The following VRK2 variants were observed in gnomAD, a reference collection of about 807,000 sequenced individuals.
VRK2 encodes serine/threonine-protein kinase VRK2.
A neutral mutation model predicts 57.6 loss-of-function variants in VRK2; 60 were observed. The ratio of observed to expected loss-of-function variants is 1.04; its 90% CI spans 0.85 to 1.29. The LOEUF (loss-of-function observed/expected upper bound fraction) is 1.29, where lower values mean the gene tolerates loss of function less well. VRK2 is among the 50% of genes most tolerant of loss of function. The probability of loss-of-function intolerance (pLI) is 0.00; values close to 1 mark genes in which losing one functional copy is unlikely to be tolerated. For missense variants in VRK2, 705 were observed against 588.1 expected (o/e 1.20, Z -2.06); for synonymous variants, 231 against 199.2 (o/e 1.16, Z -1.35).
chr2:58,131,832 A>C lies in VRK2; in HGVS notation c.701A>C (p.Glu234Ala). ...GCCTTGTCCAGACGAAGTGACGTTG[A>C]GATCCTCGGCTACTGCATGCTGCGG... ...GVALSRRSDV[E>A]ILGYCMLRWL... The change falls in exon 9 of 13, where the codon GAG becomes GCG. Residue 234 changes from glutamate to alanine, a missense_variant. By Grantham distance (107) the Glu-to-Ala change is moderately radical. Coordinates refer to ENST00000340157, the MANE Select transcript of VRK2 (RefSeq NM_006296.7). 6.2e-7 allele frequency: 1 copy of C among 1,613,524 alleles called. No individual in the cohort carries two copies.
intron 7 of VRK2, among the ~76,000 whole-genome samples, chr2:58,093,098 A>G (rs1094076): frequency 2.6e-5 from 4 of 152,160 alleles, no homozygotes; most frequent in African/African-American, 4.8e-5. Flanking sequence ...AGTCTTTGCT[A>G]TTGTGAATAG....
upstream of VRK2, chr2:58,046,794 C>T: frequency 2.0e-6 from 2 of 985,586 alleles, no homozygotes; most frequent in Non-Finnish European, 2.4e-6. Context: ...ACTGTAGGCC[C>T]GGGGGCTCCG....
At chr2:57,956,920 T>C (rs184873234) in intron 1 of VRK2, among the ~76,000 whole-genome samples, 42 of 152,312 alleles carry the variant, frequency 2.8e-4, no homozygotes, top group Admixed American at 1.8e-3. Context: ...ATCTCATTTG[T>C]ACTGTGTATC....
At chr2:58,027,447 G>A (rs1242274517) in intron 2 of VRK2, among the ~76,000 whole-genome samples, 1 of 152,042 alleles carries the variant, frequency 6.6e-6, no homozygotes, top group Admixed American at 6.6e-5. Flanking sequence ...TATACCTATA[G>A]GAGCCTTTTA....
chr2:58,061,024 GATAA>G (rs750974479), intron 2 of VRK2, among the ~76,000 whole-genome samples: 1 of 151,828 alleles, frequency 6.6e-6, no homozygotes, highest in Non-Finnish European at 1.5e-5. Flanking sequence ...ACTTACAAGA[GATAA>G]ATGAGTTAAA....
At chr2:58,017,345 C>T (rs2103662883) in intron 1 of VRK2, among the ~76,000 whole-genome samples, 1 of 152,292 alleles carries the variant, frequency 6.6e-6, no homozygotes, top group Admixed American at 6.5e-5. Flanking sequence ...AGCTCAATTC[C>T]CAGCTCTGTT....
At chr2:57,957,892 A>G (rs896164477) in intron 1 of VRK2, among the ~76,000 whole-genome samples, 2 of 152,168 alleles carry the variant, frequency 1.3e-5, no homozygotes, top group Non-Finnish European at 2.9e-5. Flanking sequence ...ACAATAGACT[A>G]TCACTGCTGC....
intron 1 of VRK2, among the ~76,000 whole-genome samples, chr2:57,974,278 T>C (rs1369706246): frequency 6.6e-6 from 1 of 151,916 alleles, no homozygotes; most frequent in East Asian, 1.9e-4. Context: ...CTTTCCAAAA[T>C]TGTCAGATCA....
At chr2:57,945,415 T>C (rs1037451878) in intron 1 of VRK2, among the ~76,000 whole-genome samples, 2 of 152,090 alleles carry the variant, frequency 1.3e-5, no homozygotes, top group Admixed American at 1.3e-4. Flanking sequence ...CAGTATAAGG[T>C]CTGGCACATA....
chr2:57,914,319 A>T (rs917773956), intron 1 of VRK2, among the ~76,000 whole-genome samples: 2 of 151,802 alleles, frequency 1.3e-5, no homozygotes, highest in African/African-American at 2.4e-5. Context: ...GACTACATGA[A>T]TTGTATAAAG....
At chr2:58,111,934 C>A (rs1675632108) in intron 7 of VRK2, among the ~76,000 whole-genome samples, 1 of 152,122 alleles carries the variant, frequency 6.6e-6, no homozygotes, top group Non-Finnish European at 1.5e-5. Flanking sequence ...TTCTCTGTTA[C>A]ATTTTCTTCT....
chr2:58,071,582 A>G (rs1395670762), intron 2 of VRK2, among the ~76,000 whole-genome samples: 1 of 152,082 alleles, frequency 6.6e-6, no homozygotes, highest in African/African-American at 2.4e-5. Context: ...GCTTTTTTGT[A>G]AAGATTGACT....
At chr2:57,943,898 G>C (rs1443813150) in intron 1 of VRK2, among the ~76,000 whole-genome samples, 2 of 152,174 alleles carry the variant, frequency 1.3e-5, no homozygotes, top group Non-Finnish European at 2.9e-5. Context: ...TATGGTGTCT[G>C]TTGCAACAAT....
Position 57,938,593 on chromosome 2 carries a change from C to G in VRK2, c.-439+30754C>G, listed in dbSNP as rs755173752. On this transcript the variant is annotated intron_variant, in intron 1 of 15. Transcript: ENST00000417641. The stretch of plus-strand genomic sequence containing the variant: ...AAATAACAGCTTATTCTTGCTTTCT[C>G]TTAATATTACTTTTTACTACTAACT... Among the ~76,000 whole-genome samples, 29 of 152,060 alleles carry G rather than the reference C, an allele frequency of 1.9e-4. 1 individual carries two copies. The highest frequency in any genetic ancestry group is 3.2e-3 in the Middle Eastern group (1 of 316).
At chr2:57,922,750 A>C (rs1267141166) in intron 1 of VRK2, among the ~76,000 whole-genome samples, 1 of 136,950 alleles carries the variant, frequency 7.3e-6, no homozygotes, top group Non-Finnish European at 1.5e-5. Flanking sequence ...GATACAAACA[A>C]TCCAATTATA....
chr2:57,968,096 C>T (rs17049274), intron 1 of VRK2, among the ~76,000 whole-genome samples: 1,777 of 151,656 alleles, frequency 0.012, 52 homozygotes, highest in African/African-American at 0.041. Context: ...GAAGCAATTG[C>T]CCCAAAATAA....
chr2:57,961,344 G>A (rs1671751952), intron 1 of VRK2, among the ~76,000 whole-genome samples: 1 of 152,198 alleles, frequency 6.6e-6, no homozygotes, highest in Non-Finnish European at 1.5e-5. Flanking sequence ...ATGAGAGCAT[G>A]CTTGGCCTGA....
intron 2 of VRK2, among the ~76,000 whole-genome samples, chr2:58,059,115 A>G (rs1354534330): frequency 6.6e-6 from 1 of 152,082 alleles, no homozygotes; most frequent in Non-Finnish European, 1.5e-5. Flanking sequence ...GATATTATTA[A>G]GATCTCAAAA....
intron 7 of VRK2, among the ~76,000 whole-genome samples, chr2:58,107,415 T>C (rs1278538017): frequency 1.3e-5 from 2 of 152,132 alleles, no homozygotes; most frequent in Non-Finnish European, 2.9e-5. Flanking sequence ...TTACGCATGA[T>C]ATTTTCTGGA....
Sources: allele counts gnomAD v4.1 joint callset (sites outside exome capture counted in the v4.1 genomes callset), GRCh38; gene constraint gnomAD v4.1.1; transcripts MANE v1.5; gene names NCBI Gene and HGNC (gene_info 2026-07-23, HGNC 2026-07-21).